Variants in SEPTIN10 observed in about 807,000 individuals in gnomAD.
SEPTIN10 encodes the protein septin-10.
A neutral mutation model predicts 54.8 loss-of-function variants in SEPTIN10; 66 were observed. That is an observed-to-expected ratio of 1.21 (90% CI 0.99 to 1.48). The LOEUF (loss-of-function observed/expected upper bound fraction) is 1.48, where lower values mean the gene tolerates loss of function less well. Among genes scored for constraint, SEPTIN10 ranks in the 40% most tolerant of loss-of-function variants. SEPTIN10 has a pLI of 0.00. For synonymous variants in SEPTIN10, 161 were observed against 181.0 expected (o/e 0.89, Z 0.89); for missense variants, 620 against 545.6 (o/e 1.14, Z -1.36).
At chr2:109,547,412 T>C (rs1284646201) in intron 9 of SEPTIN10, among the ~76,000 whole-genome samples, 1 of 148,002 alleles carries the variant, frequency 6.8e-6, no homozygotes, top group Non-Finnish European at 1.5e-5. Flanking sequence ...TAAGGGGTCA[T>C]TCCAATAAGA....
At chr2:109,584,007 C>T (rs187663965) in intron 4 of SEPTIN10, among the ~76,000 whole-genome samples, 63 of 152,146 alleles carry the variant, frequency 4.1e-4, no homozygotes, top group Admixed American at 9.2e-4. Context: ...AGGAAGATAC[C>T]CGGTAAAGGC....
At chr2:109,609,343 ATAC>A (rs1475796336) in intron 1 of SEPTIN10, among the ~76,000 whole-genome samples, 2 of 148,382 alleles carry the variant, frequency 1.3e-5, no homozygotes, top group Non-Finnish European at 3.0e-5. Context: ...ACAAAGAATA[ATAC>A]AGGTTGCTCT....
chr2:109,599,255 T>G (rs1331669209), intron 1 of SEPTIN10, among the ~76,000 whole-genome samples: 1 of 151,672 alleles, frequency 6.6e-6, no homozygotes, highest in East Asian at 1.9e-4. Context: ...GTCAGGAGTT[T>G]GAGACCAGCC....
intron 1 of SEPTIN10, among the ~76,000 whole-genome samples, chr2:109,608,261 G>A (rs939426387): frequency 1.3e-5 from 2 of 152,160 alleles, no homozygotes; most frequent in Non-Finnish European, 2.9e-5. Flanking sequence ...ATGAGAGACT[G>A]GGATACAGTT....
At chr2:109,548,002 AT>A (rs1681755558) in intron 9 of SEPTIN10, among the ~76,000 whole-genome samples, 1 of 152,120 alleles carries the variant, frequency 6.6e-6, no homozygotes, top group Non-Finnish European at 1.5e-5. Flanking sequence ...TGTCTTTTTC[AT>A]TTTTATACCC....
rs534213552 is a variant in SEPTIN10, at chr2:109,607,243, C to T, written c.30+6555G>A. Among the ~76,000 whole-genome samples the T allele has an allele frequency of 3.2e-4, 48 of 152,188 alleles. No homozygotes were observed. The South Asian group carries it at 9.6e-3, about 30-fold the overall frequency. On this transcript the variant is annotated intron_variant, in intron 1 of 10. Transcript: ENST00000397712. ...GCTGCTTGGAGTAAGACTACAGTCTCCATAGAAACAATATTACAAACAGCT... is the reference window on the plus strand; with the variant it reads ...GCTGCTTGGAGTAAGACTACAGTCTTCATAGAAACAATATTACAAACAGCT...
rs4953730 is a variant in SEPTIN10 at position 109,574,553 on chromosome 2, G to T, written c.600+28C>A. On this transcript the variant is annotated intron_variant, in intron 5 of 10. Transcript: ENST00000397712. Reference sequence around the variant, plus strand: ...CAGTTAAAAATAAATATTAAAGTATGGTAAGTTGATTCCTTTCCTCAACCC... The same window carrying T: ...CAGTTAAAAATAAATATTAAAGTATTGTAAGTTGATTCCTTTCCTCAACCC... 2,176 of 1,376,304 alleles carry T rather than the reference G, an allele frequency of 1.6e-3. 33 individuals carry two copies. In the African/African-American group the frequency reaches 0.03, roughly 19 times the overall value. The allele number at this position is 1,376,304 out of a possible 1,614,324, so 85.3% of individuals were successfully genotyped here.
intron 8 of SEPTIN10, among the ~76,000 whole-genome samples, chr2:109,560,064 G>C (rs1262298669): frequency 2.0e-5 from 3 of 151,990 alleles, no homozygotes; most frequent in Admixed American, 6.6e-5. Flanking sequence ...GGGACTACAG[G>C]TGCCCGCCAC....
At chr2:109,612,275 G>C (rs559581073) in intron 1 of SEPTIN10, among the ~76,000 whole-genome samples, 1 of 152,188 alleles carries the variant, frequency 6.6e-6, no homozygotes, top group Non-Finnish European at 1.5e-5. Context: ...GAATAAAAAC[G>C]AATCACTGAT....
chr2:109,547,182 T>C (rs983314383), intron 9 of SEPTIN10, among the ~76,000 whole-genome samples: 1 of 152,220 alleles, frequency 6.6e-6, no homozygotes, highest in Admixed American at 6.5e-5. Flanking sequence ...ATCTGCCAGC[T>C]ATGTGCCTTC....
At chr2:109,586,970 CTACTA>C (rs1692711870) in intron 2 of SEPTIN10, among the ~76,000 whole-genome samples, 1 of 152,008 alleles carries the variant, frequency 6.6e-6, no homozygotes, top group African/African-American at 2.4e-5. Context: ...TCTACAGTAT[CTACTA>C]TACAATAAAA....
At chr2:109,596,364 T>A (rs543046217) in intron 1 of SEPTIN10, among the ~76,000 whole-genome samples, 1 of 152,256 alleles carries the variant, frequency 6.6e-6, no homozygotes, top group Admixed American at 6.5e-5. Context: ...ACGCCTGTAA[T>A]TCCAGCAGTT....
chr2:109,569,334 G>A (rs1253161846), intron 5 of SEPTIN10, among the ~76,000 whole-genome samples: 1 of 151,666 alleles, frequency 6.6e-6, no homozygotes, highest in African/African-American at 2.4e-5. Context: ...GGTAGGCTGC[G>A]GCAGAAGAAT....
intron 5 of SEPTIN10, among the ~76,000 whole-genome samples, chr2:109,571,755 C>T (rs2105362671): frequency 6.6e-6 from 1 of 152,262 alleles, no homozygotes; most frequent in South Asian, 2.1e-4. Context: ...TAGGAAGCAT[C>T]TAGAACTAGT....
chr2:109,548,203 A>G (rs1445702124), intron 9 of SEPTIN10, among the ~76,000 whole-genome samples: 1 of 151,854 alleles, frequency 6.6e-6, no homozygotes, highest in Non-Finnish European at 1.5e-5. Context: ...TAGGGTCTTA[A>G]GCCAGCTCCA....
At chr2:109,559,421 T>C (rs1240345074) in intron 8 of SEPTIN10, among the ~76,000 whole-genome samples, 3 of 151,930 alleles carry the variant, frequency 2.0e-5, no homozygotes, top group Admixed American at 6.6e-5. Context: ...ACTTACTGAG[T>C]TTCTTCCAGC....
At chr2:109,589,524 T>A (rs1206019969) in intron 2 of SEPTIN10, among the ~76,000 whole-genome samples, 1 of 151,954 alleles carries the variant, frequency 6.6e-6, no homozygotes, top group Non-Finnish European at 1.5e-5. Flanking sequence ...AGCAAGACTC[T>A]GTCTCAAAAA....
intron 1 of SEPTIN10, among the ~76,000 whole-genome samples, chr2:109,599,779 C>T (rs1696209738): frequency 6.6e-6 from 1 of 152,150 alleles, no homozygotes; most frequent in Non-Finnish European, 1.5e-5. Context: ...TGCACCATAA[C>T]AATGACAGTT....
At chr2:109,601,901 G>A (rs551405418) in intron 1 of SEPTIN10, among the ~76,000 whole-genome samples, 11 of 152,268 alleles carry the variant, frequency 7.2e-5, no homozygotes, top group African/African-American at 2.6e-4. Context: ...GCCTACCGCA[G>A]CATAAGAGGA....
Sources: gnomAD v4.1 joint callset for allele counts (sites outside exome capture counted in the v4.1 genomes callset) on GRCh38, gnomAD v4.1.1 for gene constraint, MANE v1.5 for transcripts, NCBI Gene and HGNC (gene_info 2026-07-23, HGNC 2026-07-21) for gene names.